CMC2: variants seen among roughly 807,000 people sequenced by gnomAD.
CMC2 encodes COX assembly mitochondrial protein 2 homolog.
Under a neutral mutation model 7.5 loss-of-function variants are expected in CMC2, and 5 were observed. The observed-to-expected ratio is 0.66, with a 90% CI of 0.35 to 1.40. CMC2 has a LOEUF of 1.40. Ranked by LOEUF, CMC2 falls within the 40% of genes most tolerant of loss-of-function variation. The pLI is 0.04. For synonymous variants in CMC2, 37 were observed against 31.4 expected, an observed-to-expected ratio of 1.18 and a Z score of -0.60; for missense variants, 115 against 92.3, an observed-to-expected ratio of 1.25 and a Z score of -1.01.
chr16:80,985,938 G>A (rs1203151792), intron 2 of CMC2, among the ~76,000 whole-genome samples: 1 of 150,038 alleles, frequency 6.7e-6, no homozygotes, highest in Non-Finnish European at 1.5e-5. Flanking sequence ...TGAAGGGGAA[G>A]GAGCTGTGGG....
intron 2 of CMC2, chr16:80,982,514 GAAAAAAAAAAAAA>G (rs758135840): frequency 2.5e-5 from 1 of 39,798 alleles, no homozygotes; most frequent in South Asian, 1.1e-3. Context: ...TCCGTCTCAG[GAAAAAAAAAAAAA>G]AAAAAAAAAA....
intron 2 of CMC2, chr16:80,983,693 G>C (rs1481322154): frequency 6.6e-6 from 1 of 152,206 alleles, no homozygotes; most frequent in East Asian, 1.9e-4. Context: ...CATCAAATAA[G>C]TAACACAGAT....
In CMC2 at chr16:81,006,805, G is replaced by C. The variant is rs1969403190; in HGVS notation, c.-107C>G. 1.0e-6 allele frequency: 1 copy of C among 985,626 alleles called. No homozygotes were observed. The highest frequency in any genetic ancestry group is 1.2e-6 in the Non-Finnish European group (1 of 830,102). 61.1% of individuals were successfully genotyped at this position (985,626 alleles called of 1,614,324 possible). On this transcript the variant is annotated 5_prime_UTR_variant, in exon 1 of 4. Transcript: ENST00000219400. ...GAGACGCCCGACCCGAAGGCCGGCT[G>C]CTAGGGAGCAGACAGCTGAACCGCT... is the stretch of plus-strand genomic sequence containing the variant.
At chr16:80,984,597 C>T (rs1201972731) in intron 2 of CMC2, among the ~76,000 whole-genome samples, 2 of 151,914 alleles carry the variant, frequency 1.3e-5, no homozygotes, top group Non-Finnish European at 2.9e-5. Context: ...TTTTTTCTTT[C>T]CTCTATCATT....
At chr16:81,001,693 T>C (rs142961243) in intron 1 of CMC2, among the ~76,000 whole-genome samples, 1 of 152,080 alleles carries the variant, frequency 6.6e-6, no homozygotes, top group African/African-American at 2.4e-5. Context: ...AAAAAACCTG[T>C]GAGAAATTCA....
At chr16:80,993,329 T>C (rs891271778) in intron 2 of CMC2, among the ~76,000 whole-genome samples, 1 of 152,114 alleles carries the variant, frequency 6.6e-6, no homozygotes, top group Non-Finnish European at 1.5e-5. Context: ...TTCCAAACCA[T>C]GTAGCAGAGA....
intron 2 of CMC2, among the ~76,000 whole-genome samples, chr16:80,986,118 C>A (rs1358481000): frequency 6.6e-6 from 1 of 152,114 alleles, no homozygotes; most frequent in African/African-American, 2.4e-5. Context: ...GAGGCCCAGG[C>A]GGGCGGATCA....
chr16:80,982,018 A>G (rs927661367), intron 2 of CMC2, 141 bp from the exon 3 acceptor site: 1 of 562,202 alleles, frequency 1.8e-6, no homozygotes, highest in African/African-American at 1.9e-5. Context: ...CACATGTATA[A>G]AACACAGTTG....
Position 80,973,613 on chromosome 16 carries a change from A to G in CMC2, c.*2480T>C, listed in dbSNP as rs190201903. The G allele has an allele frequency of 6.6e-6, 1 of 152,336 alleles. No individual in the cohort carries two copies. The highest frequency in any genetic ancestry group is 2.4e-5 in the African/African-American group (1 of 41,572). The allele number at this position is 152,336 out of a possible 1,614,324, so 9.4% of individuals were successfully genotyped here. A position where few individuals can be genotyped will look rare whatever the true frequency, so the allele number is the denominator to read the frequency against. ...AATGGTTTTCCATTATGCTCCAAAT[A>G]ACATGCAAGTTCCCTGAGGTGATGT... On this transcript the variant is annotated 3_prime_UTR_variant, in exon 4 of 4. Coordinates refer to ENST00000219400, the MANE Select transcript of CMC2 (RefSeq NM_020188.5).
At chr16:80,985,224 G>A (rs1359163988) in intron 2 of CMC2, among the ~76,000 whole-genome samples, 1 of 152,150 alleles carries the variant, frequency 6.6e-6, no homozygotes, top group Non-Finnish European at 1.5e-5. Flanking sequence ...TTTCAGGGAA[G>A]GTACAAGGTC....
chr16:80,990,955 G>T (rs940529589), intron 2 of CMC2, among the ~76,000 whole-genome samples: 1 of 150,994 alleles, frequency 6.6e-6, no homozygotes, highest in African/African-American at 2.4e-5. Context: ...TTGAACTCCT[G>T]GGCTCAAGCA....
chr16:81,004,697 G>A (rs1479291565), intron 1 of CMC2, among the ~76,000 whole-genome samples: 3 of 152,234 alleles, frequency 2.0e-5, no homozygotes, highest in African/African-American at 4.8e-5. Context: ...GGTAGAAGCG[G>A]TAGGGTACTC....
rs892764764 is a variant in CMC2, at chr16:80,997,149, T to TA, written c.81+164dup. On this transcript the variant is annotated intron_variant, in intron 2 of 3. Transcript: ENST00000219400. ...TAATCATAAAAGGAGGTAGTTTGTG[T>TA]AAAAAAAAGAAAAAAATCGCACATA... The TA allele has an allele frequency of 6.9e-5, 42 of 607,206 alleles. No homozygotes were observed. The Middle Eastern group carries it at 1.1e-3, about 16-fold the overall frequency. 37.6% of individuals were successfully genotyped at this position (607,206 alleles called of 1,614,324 possible).
chr16:81,002,492 T>A (rs1209423995), intron 1 of CMC2, among the ~76,000 whole-genome samples: 1 of 152,226 alleles, frequency 6.6e-6, no homozygotes, highest in East Asian at 1.9e-4. Flanking sequence ...ATTTTCTAAA[T>A]GTATTTGACA....
rs2151601188 is a variant in CMC2, at chr16:80,968,662, G to A, written c.*7431C>T. 1 of 152,194 alleles carries A rather than the reference G, an allele frequency of 6.6e-6. No individual in the cohort carries two copies. 9.4% of individuals were successfully genotyped at this position (152,194 alleles called of 1,614,324 possible). On this transcript the variant is annotated 3_prime_UTR_variant, in exon 4 of 4. Coordinates refer to ENST00000219400, the MANE Select transcript of CMC2 (RefSeq NM_020188.5). ...GGTAAAATAGCTCATTAGGTAATCT[G>A]AAAACACTCCTGCTAAAAAGCTATC... is the stretch of plus-strand genomic sequence containing the variant.
intron 3 of CMC2, chr16:80,978,486 T>A (rs182046377): frequency 1.3e-6 from 1 of 782,578 alleles, no homozygotes; most frequent in African/African-American, 1.9e-5. Context: ...ACAGACAGAA[T>A]GAAAGGCCAA....
rs778193287 is a variant in CMC2 at position 80,971,584 on chromosome 16, A to ATATATATATATGTG, written c.*4508_*4509insCACATATATATATA. ...ACATTTTATATATATATATATATAT[A>ATATATATATATGTG]TGTATGAAATCATGCATATATATAT... On this transcript the variant is annotated 3_prime_UTR_variant, in exon 4 of 4. Coordinates refer to ENST00000219400, the MANE Select transcript of CMC2 (RefSeq NM_020188.5). 4.6e-4 allele frequency: 64 copies of ATATATATATATGTG among 139,578 alleles called. No individual in the cohort carries two copies. The highest frequency in any genetic ancestry group is 2.2e-3 in the Admixed American group (32 of 14,248). The allele number at this position is 139,578 out of a possible 1,614,324, so 8.6% of individuals were successfully genotyped here. A position where few individuals can be genotyped will look rare whatever the true frequency, so the allele number is the denominator to read the frequency against.
intron 3 of CMC2, among the ~76,000 whole-genome samples, chr16:80,977,232 G>T (rs1269320714): frequency 1.3e-5 from 2 of 152,150 alleles, no homozygotes; most frequent in Non-Finnish European, 2.9e-5. Flanking sequence ...CACCTCAAGA[G>T]GTTTTCAGCC....
intron 3 of CMC2, chr16:80,978,371 C>T (rs975206298): frequency 6.3e-6 from 8 of 1,269,028 alleles, no homozygotes; most frequent in African/African-American, 4.7e-5. Flanking sequence ...ATATAGTCTA[C>T]ATTAAAATAT....
Sources: gnomAD v4.1 joint callset for allele counts (sites outside exome capture counted in the v4.1 genomes callset) on GRCh38, gnomAD v4.1.1 for gene constraint, MANE v1.5 for transcripts, NCBI Gene and HGNC (gene_info 2026-07-23, HGNC 2026-07-21) for gene names.